The following NSUN3 variants were observed in gnomAD, a reference collection of about 807,000 sequenced individuals.
NSUN3 encodes tRNA (cytosine(34)-C(5))-methyltransferase, mitochondrial.
NSUN3 carries 24 observed loss-of-function variants against 36.8 expected under a neutral mutation model. The ratio of observed to expected loss-of-function variants is 0.65; its 90% confidence interval spans 0.47 to 0.92. The LOEUF (loss-of-function observed/expected upper bound fraction) is 0.92. Ranked by LOEUF, NSUN3 falls within the 40% of genes least tolerant of loss-of-function variation. The pLI, the probability that NSUN3 is intolerant of heterozygous loss-of-function variation, is 0.00. For synonymous variants in NSUN3, 146 were observed against 145.2 expected (o/e 1.01, Z -0.04); for missense variants, 381 against 392.8 (o/e 0.97, Z 0.25).
chr3:94,072,770 A>G (rs2077229267), intron 2 of NSUN3, among the ~76,000 whole-genome samples: 1 of 152,108 alleles, frequency 6.6e-6, no homozygotes, highest in African/African-American at 2.4e-5. Flanking sequence ...TAATTTCTGA[A>G]GAGTTCTGCC....
intron 5 of NSUN3, among the ~76,000 whole-genome samples, chr3:94,097,999 TAAAACTC>T (rs1216187382): frequency 6.6e-6 from 1 of 152,096 alleles, no homozygotes; most frequent in East Asian, 1.9e-4. Flanking sequence ...TCCAGAAACT[TAAAACTC>T]AAATAATTAA....
In NSUN3 at chr3:94,094,240, G is replaced by A; in HGVS notation, c.567G>A (p.Val189=). ...AGCCTTTGATAAATGTAATTAAAGT[G>A]TCTGAATTGGATGGCAGAAAAATGG... ...IPQPLINVIK[V]SELDGRKMGD... Residue 189 remains valine (V), a synonymous_variant, in exon 4 of 6, where the codon GTG becomes GTA. Transcript: ENST00000314622. 1 of 1,613,722 alleles carries A rather than the reference G, an allele frequency of 6.2e-7. No individual in the cohort carries two copies. The highest frequency in any genetic ancestry group is 8.5e-7 in the Non-Finnish European group (1 of 1,179,826).
At chr3:94,072,210 T>A (rs2077227134) in intron 2 of NSUN3, among the ~76,000 whole-genome samples, 1 of 152,128 alleles carries the variant, frequency 6.6e-6, no homozygotes, top group South Asian at 2.1e-4. Context: ...AAATTCTCTT[T>A]CTTGCCCCCT....
Position 94,076,337 on chromosome 3 carries a change from A to C in NSUN3, c.123-7770A>C. 4 of 835,538 alleles carry C rather than the reference A, an allele frequency of 4.8e-6. No homozygotes were observed. The Admixed American group carries it at 5.1e-5, about 11-fold the overall frequency. The allele number at this position is 835,538 out of a possible 1,614,324, so 51.8% of individuals were successfully genotyped here. Reference sequence around the variant, plus strand: ...TGGCAAGAATGAACTCACTATAAGGATTGAAAGGCAGTTCACTTCAGCAGT... The same window carrying C: ...TGGCAAGAATGAACTCACTATAAGGCTTGAAAGGCAGTTCACTTCAGCAGT... On this transcript the variant is annotated intron_variant, in intron 2 of 5. Coordinates refer to ENST00000314622, the MANE Select transcript of NSUN3 (RefSeq NM_022072.5).
intron 5 of NSUN3, among the ~76,000 whole-genome samples, chr3:94,124,818 T>A (rs1471236267): frequency 1.3e-5 from 2 of 152,168 alleles, no homozygotes; most frequent in Non-Finnish European, 2.9e-5. Flanking sequence ...GGTGAAAGAT[T>A]TTTTTGTTGT....
intron 5 of NSUN3, among the ~76,000 whole-genome samples, chr3:94,122,877 G>T (rs1392074087): frequency 6.6e-6 from 1 of 152,014 alleles, no homozygotes; most frequent in Non-Finnish European, 1.5e-5. Context: ...AGTAAGTTTG[G>T]TCTTTGGAGT....
At chr3:94,077,932 T>C (rs1344018496) in intron 2 of NSUN3, among the ~76,000 whole-genome samples, 1 of 152,228 alleles carries the variant, frequency 6.6e-6, no homozygotes, top group Non-Finnish European at 1.5e-5. Flanking sequence ...TTCATGTCTC[T>C]ATCACCTTCA....
chr3:94,092,110 AGGGGTCAGGTAC>A (rs2077317544), intron 3 of NSUN3, among the ~76,000 whole-genome samples: 2 of 152,194 alleles, frequency 1.3e-5, no homozygotes, highest in Non-Finnish European at 2.9e-5. Context: ...AGTTGCCTGA[AGGGGTCAGGTAC>A]ACAACCCCAA....
chr3:94,064,177 C>T, intron 1 of NSUN3: 1 of 430,334 alleles, frequency 2.3e-6, no homozygotes, highest in Non-Finnish European at 4.2e-6. Flanking sequence ...TAATTTTGTT[C>T]CTTTTGACAG....
At chr3:94,068,739 ACT>A (rs1427330050) in intron 2 of NSUN3, among the ~76,000 whole-genome samples, 2 of 151,206 alleles carry the variant, frequency 1.3e-5, no homozygotes, top group Non-Finnish European at 3.0e-5. Context: ...TTTTTTGGAC[ACT>A]CTCCTCACTG....
chr3:94,121,444 A>G (rs1309845808), intron 5 of NSUN3, among the ~76,000 whole-genome samples: 2 of 152,236 alleles, frequency 1.3e-5, no homozygotes, highest in Admixed American at 6.5e-5. Context: ...TCACATCTGC[A>G]CATAGCCTTT....
At chr3:94,063,990 A>T (rs368086220) in intron 1 of NSUN3, 1 of 157,600 alleles carries the variant, frequency 6.3e-6, no homozygotes, top group East Asian at 1.9e-4. Context: ...GTGGGGTTAC[A>T]GGCGCCCACC....
chr3:94,120,047 C>T (rs2077454964), intron 5 of NSUN3, among the ~76,000 whole-genome samples: 1 of 152,162 alleles, frequency 6.6e-6, no homozygotes, highest in African/African-American at 2.4e-5. Flanking sequence ...TTGCATTAAG[C>T]CAGGAACATA....
intron 5 of NSUN3, among the ~76,000 whole-genome samples, chr3:94,123,989 A>G (rs769477453): frequency 2.6e-5 from 4 of 152,178 alleles, no homozygotes; most frequent in Non-Finnish European, 5.9e-5. Flanking sequence ...ATATGTATGT[A>G]TGTATATGTG....
chr3:94,099,284 A>G (rs960974275), intron 5 of NSUN3, among the ~76,000 whole-genome samples: 1 of 152,158 alleles, frequency 6.6e-6, no homozygotes, highest in Non-Finnish European at 1.5e-5. Context: ...TAGCATTTCA[A>G]TCATCATTGC....
intron 2 of NSUN3, chr3:94,081,609 A>G (rs1469786612): frequency 3.9e-5 from 6 of 152,204 alleles, no homozygotes; most frequent in African/African-American, 1.4e-4. Flanking sequence ...CTTCCTACAG[A>G]TAATTTCTTC....
At chr3:94,063,271 T>G in intron 1 of NSUN3, 133 bp downstream of exon 1, 1 of 909,970 alleles carries the variant, frequency 1.1e-6, no homozygotes, top group Non-Finnish European at 1.8e-6. Flanking sequence ...AGCGTTTCTT[T>G]GGCTTTACTG....
chr3:94,108,759 G>A (rs995465273), intron 5 of NSUN3, among the ~76,000 whole-genome samples: 6 of 150,782 alleles, frequency 4.0e-5, no homozygotes, highest in Non-Finnish European at 5.9e-5. Context: ...GAGGCCTCCC[G>A]GGTTCCATCA....
chr3:94,064,744 T>A (rs973241879), intron 2 of NSUN3, among the ~76,000 whole-genome samples, 198 bp downstream of exon 2: 2 of 152,194 alleles, frequency 1.3e-5, no homozygotes, highest in Non-Finnish European at 2.9e-5. Flanking sequence ...AATAAAACTT[T>A]GTCGGGATGG....
Sources: allele counts gnomAD v4.1 joint callset (sites outside exome capture counted in the v4.1 genomes callset), GRCh38; gene constraint gnomAD v4.1.1; transcripts MANE v1.5; gene names NCBI Gene and HGNC (gene_info 2026-07-23, HGNC 2026-07-21).